Variants in GFM1 observed in about 807,000 individuals in gnomAD.
GFM1 encodes the protein elongation factor G, mitochondrial.
In GFM1, 62 loss-of-function variants were observed where a neutral mutation model predicts 96.2. The observed-to-expected ratio is 0.64, with a 90% CI of 0.53 to 0.80. GFM1 has a LOEUF of 0.80. GFM1 is among the 30% of genes least tolerant of loss of function. The pLI, the probability that GFM1 is intolerant of heterozygous loss-of-function variation, is 0.00. For missense variants in GFM1, 852 were observed against 916.6 expected, an observed-to-expected ratio of 0.93 and a Z score of 0.91; for synonymous variants, 282 against 312.9, an observed-to-expected ratio of 0.90 and a Z score of 1.04.
chr3:158,662,635 T>G lies in GFM1; in HGVS notation c.1331T>G (p.Ile444Ser). Residue 444 changes from isoleucine (I) to serine (S), a missense_variant, in exon 11 of 18, where the codon ATT becomes AGT. Coordinates refer to ENST00000486715, the MANE Select transcript of GFM1 (RefSeq NM_024996.7). ...TTTTAAAAAATATTTTAGGAGTCAA[T>G]TCATGTTCCTGATCCTGTCATTTCA... ...KANSGLSMES[I>S]HVPDPVISIA... 2 of 1,592,658 alleles carry G rather than the reference T, an allele frequency of 1.3e-6. No individual in the cohort carries two copies. The highest frequency in any genetic ancestry group is 4.5e-5 in the East Asian group (2 of 44,600).
rs886620407 is a variant in GFM1 at position 158,694,254 on chromosome 3, A to G, written c.*2787A>G. The stretch of plus-strand genomic sequence containing the variant: ...TTGTGGAATACTATGCAGCCATAAA[A>G]AAAGAATGAGATCAAGTCCTTTGCA... On this transcript the variant is annotated 3_prime_UTR_variant, in exon 18 of 18. Transcript: ENST00000486715. 1.3e-5 allele frequency among the ~76,000 whole-genome samples: 2 copies of G among 152,342 alleles called. No homozygotes were observed. The highest frequency in any genetic ancestry group is 4.8e-5 in the African/African-American group (2 of 41,586).
intron 13 of GFM1, chr3:158,666,669 G>T (rs1183376465): frequency 6.2e-7 from 1 of 1,613,612 alleles, no homozygotes; most frequent in Non-Finnish European, 8.5e-7. Context: ...ACTTCCTTTG[G>T]CAGACGGCTA....
At chr3:158,651,822 A>C (rs1722317168) in intron 5 of GFM1, among the ~76,000 whole-genome samples, 2 of 121,598 alleles carry the variant, frequency 1.6e-5, no homozygotes, top group East Asian at 4.0e-4. Context: ...ATAAAACCAG[A>C]GATTTTTTTT....
chr3:158,666,662 TC>T (rs761302829), intron 13 of GFM1: 33 of 1,613,698 alleles, frequency 2.0e-5, no homozygotes, highest in Non-Finnish European at 2.8e-5. Context: ...CAGTTGTACT[TC>T]CTTTGGCAGA....
chr3:158,675,422 A>G (rs552696537), intron 13 of GFM1, among the ~76,000 whole-genome samples: 9 of 151,820 alleles, frequency 5.9e-5, no homozygotes, highest in Non-Finnish European at 1.2e-4. Context: ...TTAATAGATG[A>G]ATTTGGGTGA....
At chr3:158,655,694 T>C in intron 8 of GFM1, 1 of 271,240 alleles carries the variant, frequency 3.7e-6, no homozygotes, top group Non-Finnish European at 7.4e-6. Flanking sequence ...AGAATTCCTG[T>C]ATATCCTGCA....
chr3:158,688,110 A>T (rs13324770), intron 15 of GFM1, among the ~76,000 whole-genome samples: 3 of 151,976 alleles, frequency 2.0e-5, no homozygotes, highest in African/African-American at 2.4e-5. Context: ...AAATTCTCCC[A>T]TATTCTTGAT....
rs572518526 is a variant in GFM1, at chr3:158,653,295, T to C, written c.841-15T>C. 1 of 1,605,310 alleles carries C rather than the reference T, an allele frequency of 6.2e-7. No individual in the cohort carries two copies. The highest frequency in any genetic ancestry group is 2.2e-5 in the East Asian group (1 of 44,754). On this transcript the variant is annotated splice_polypyrimidine_tract_variant and intron_variant, in intron 6 of 17. Transcript: ENST00000486715. ...ATTTTAACATTAACTACCATTAAATTGTTTTCTTTTGTAGCTAGCAATTCG... is the reference window on the plus strand; with the variant it reads ...ATTTTAACATTAACTACCATTAAATCGTTTTCTTTTGTAGCTAGCAATTCG...
At chr3:158,672,564 G>A (rs1176888785) in intron 13 of GFM1, 24 of 1,554,188 alleles carry the variant, frequency 1.5e-5, no homozygotes, top group Non-Finnish European at 1.8e-5. Context: ...CTTGCTGCTG[G>A]GTCCGGTTGC....
chr3:158,651,505 A>G (rs963286102), intron 5 of GFM1, among the ~76,000 whole-genome samples: 29 of 151,948 alleles, frequency 1.9e-4, no homozygotes, highest in African/African-American at 6.6e-4. Flanking sequence ...GTGAAGATCA[A>G]ATAAATAACT....
At chr3:158,649,695 C>G (rs779258813) in intron 5 of GFM1, 33 of 310,568 alleles carry the variant, frequency 1.1e-4, no homozygotes, top group Non-Finnish European at 1.7e-4. Flanking sequence ...GTATTTGGTC[C>G]ATCAGCTCTT....
At chr3:158,664,288 G>A (rs1723430410) in intron 11 of GFM1, among the ~76,000 whole-genome samples, 1 of 152,212 alleles carries the variant, frequency 6.6e-6, no homozygotes, top group Admixed American at 6.5e-5. Context: ...ATAGTTCTGT[G>A]GATCATAGGC....
intron 16 of GFM1, 85 bp downstream of exon 16, chr3:158,690,408 C>A: frequency 1.6e-6 from 2 of 1,286,520 alleles, no homozygotes; most frequent in South Asian, 2.4e-5. Flanking sequence ...CAAATGGACA[C>A]ATTTCCTTGC....
At chr3:158,676,701 CT>C (rs201525716) in intron 13 of GFM1, among the ~76,000 whole-genome samples, 23,136 of 140,194 alleles carry the variant, frequency 0.17, 1,584 homozygotes, top group South Asian at 0.22. Flanking sequence ...TTTTCTTTTT[CT>C]TTTTTTTTTT....
chr3:158,644,900 C>T, intron 1 of GFM1, 185 bp downstream of exon 1: 2 of 631,652 alleles, frequency 3.2e-6, no homozygotes, highest in South Asian at 1.9e-5. Flanking sequence ...GTTTGTTTCG[C>T]TCTCTGGTAT....
intron 7 of GFM1, among the ~76,000 whole-genome samples, chr3:158,653,769 A>C (rs1330737719): frequency 6.6e-6 from 1 of 151,572 alleles, no homozygotes; most frequent in Non-Finnish European, 1.5e-5. Flanking sequence ...AAAAAAAAAA[A>C]GTTTTAAGAA....
At chr3:158,688,821 C>T (rs551080954) in intron 15 of GFM1, among the ~76,000 whole-genome samples, 38 of 152,138 alleles carry the variant, frequency 2.5e-4, no homozygotes, top group Middle Eastern at 3.4e-3. Context: ...ACTAATTAGT[C>T]GAGGAGGGTA....
At chr3:158,684,717 TC>T in intron 15 of GFM1, 49 bp downstream of exon 15, 1 of 1,597,552 alleles carries the variant, frequency 6.3e-7, no homozygotes, top group Non-Finnish European at 8.6e-7. Flanking sequence ...TGATAGATCA[TC>T]ATAGCCTCAG....
intron 10 of GFM1, among the ~76,000 whole-genome samples, chr3:158,662,402 G>T (rs575249848): frequency 6.6e-6 from 1 of 152,250 alleles, no homozygotes; most frequent in African/African-American, 2.4e-5. Context: ...TTTATTTTGG[G>T]AAGGAGGAAC....
Sources: gnomAD v4.1 joint callset for allele counts (sites outside exome capture counted in the v4.1 genomes callset) on GRCh38, gnomAD v4.1.1 for gene constraint, MANE v1.5 for transcripts, NCBI Gene and HGNC (gene_info 2026-07-23, HGNC 2026-07-21) for gene names.